Variants in CCDC63 observed in about 807,000 individuals in gnomAD.
CCDC63 encodes the protein coiled-coil domain containing 63, also known as coiled-coil domain-containing protein 63.
A neutral mutation model predicts 63.6 loss-of-function variants in CCDC63; 54 were observed. That is an observed-to-expected ratio of 0.85 (90% CI 0.68 to 1.07). CCDC63 has a LOEUF of 1.07. Ranked by LOEUF, CCDC63 falls within the 50% of genes least tolerant of loss-of-function variation. The pLI, the probability that CCDC63 is intolerant of heterozygous loss-of-function variation, is 0.00. For missense variants in CCDC63, 637 were observed against 689.6 expected (o/e 0.92, Z 0.86); for synonymous variants, 253 against 266.1 (o/e 0.95, Z 0.48).
intron 6 of CCDC63, 80 bp from the exon 7 acceptor site, chr12:110,881,034 GA>G: frequency 7.8e-7 from 1 of 1,283,740 alleles, no homozygotes. Context: ...CTCTAGGCAG[GA>G]AGGCCTTCTG....
chr12:110,899,060 C>G lies in CCDC63; in HGVS notation c.1277C>G (p.Thr426Ser), dbSNP rs1193166602. 2 of 1,613,762 alleles carry G rather than the reference C, an allele frequency of 1.2e-6. No individual in the cohort carries two copies. The highest frequency in any genetic ancestry group is 1.7e-6 in the Non-Finnish European group (2 of 1,179,910). ...TTCAAGAAGATAAACTGTGACGCCA[C>G]CAAGATCCTGGTGCAGTTAGGGGAG... ...KLFKKINCDA[T>S]KILVQLGETG... The change falls in exon 10 of 12, where the codon ACC becomes AGC. Residue 426 changes from threonine to serine, a missense_variant. Transcript: ENST00000308208.
At chr12:110,862,485 T>C (rs1317208791) in intron 4 of CCDC63, among the ~76,000 whole-genome samples, 1 of 152,196 alleles carries the variant, frequency 6.6e-6, no homozygotes, top group East Asian at 1.9e-4. Context: ...GGAGAATGTC[T>C]CCCATTGTGC....
chr12:110,893,017 G>C, intron 8 of CCDC63, 59 bp from the exon 9 acceptor site: 1 of 1,327,634 alleles, frequency 7.5e-7, no homozygotes, highest in Non-Finnish European at 1.1e-6. Context: ...ACTTATTTTT[G>C]GGAGCAGTGG....
chr12:110,871,554 T>C (rs1388183960), intron 4 of CCDC63, among the ~76,000 whole-genome samples: 18 of 147,736 alleles, frequency 1.2e-4, no homozygotes, highest in Admixed American at 9.5e-4. Context: ...CTCCCTCCCT[T>C]CCTTCCTTCC....
intron 5 of CCDC63, among the ~76,000 whole-genome samples, chr12:110,878,091 A>G (rs1025885453): frequency 1.3e-5 from 2 of 152,112 alleles, no homozygotes; most frequent in African/African-American, 2.4e-5. Flanking sequence ...CACTTAGCGT[A>G]ATGTCCTCCA....
At chr12:110,861,535 C>T (rs2070853224) in intron 4 of CCDC63, among the ~76,000 whole-genome samples, 1 of 152,118 alleles carries the variant, frequency 6.6e-6, no homozygotes, top group Admixed American at 6.6e-5. Flanking sequence ...GTCCTCTTTG[C>T]TTGGAGACCT....
intron 4 of CCDC63, among the ~76,000 whole-genome samples, chr12:110,866,913 C>G (rs2070958832): frequency 1.4e-5 from 2 of 148,104 alleles, no homozygotes; most frequent in African/African-American, 5.0e-5. Flanking sequence ...AGGCGCCCCT[C>G]ACCTCCGGGA....
At chr12:110,848,839 G>A (rs1179957885) in intron 1 of CCDC63, among the ~76,000 whole-genome samples, 1 of 152,160 alleles carries the variant, frequency 6.6e-6, no homozygotes, top group Non-Finnish European at 1.5e-5. Flanking sequence ...AATCCACTTA[G>A]GACCCAAAGG....
intron 1 of CCDC63, 37 bp downstream of exon 1, chr12:110,847,142 C>T (rs1055473256): frequency 2.0e-5 from 3 of 152,332 alleles, no homozygotes; most frequent in African/African-American, 7.2e-5. Flanking sequence ...GCCTGCTGCG[C>T]CACAGCTCCC....
chr12:110,877,943 G>C (rs1248046600), intron 5 of CCDC63, among the ~76,000 whole-genome samples: 2 of 151,772 alleles, frequency 1.3e-5, no homozygotes, highest in African/African-American at 4.8e-5. Flanking sequence ...CTGATCTCAG[G>C]TGATCCACCC....
chr12:110,861,114 C>T (rs766938649), intron 4 of CCDC63, among the ~76,000 whole-genome samples: 59 of 152,028 alleles, frequency 3.9e-4, no homozygotes, highest in Non-Finnish European at 6.3e-4. Context: ...ATTTCACTAT[C>T]GCCAAGACAA....
At chr12:110,849,794 C>G (rs375620912) in intron 1 of CCDC63, among the ~76,000 whole-genome samples, 1 of 152,134 alleles carries the variant, frequency 6.6e-6, no homozygotes, top group Non-Finnish European at 1.5e-5. Flanking sequence ...CCACTGCGCC[C>G]GGCCCAAGTT....
At chr12:110,888,767 A>G (rs1044822215) in intron 8 of CCDC63, among the ~76,000 whole-genome samples, 2 of 150,816 alleles carry the variant, frequency 1.3e-5, no homozygotes, top group Admixed American at 6.6e-5. Flanking sequence ...CCAACTTCCA[A>G]CTTTTTTTTT....
At chr12:110,881,651 G>C (rs1046323797) in intron 7 of CCDC63, among the ~76,000 whole-genome samples, 28 of 152,106 alleles carry the variant, frequency 1.8e-4, no homozygotes, top group African/African-American at 6.5e-4. Context: ...GAACCCAGGA[G>C]GCAGAGGTTG....
chr12:110,885,722 T>C (rs1198620416), intron 8 of CCDC63, among the ~76,000 whole-genome samples: 1 of 152,224 alleles, frequency 6.6e-6, no homozygotes, highest in East Asian at 1.9e-4. Flanking sequence ...GTCCTTCTTC[T>C]GCAGGCCCTG....
At chr12:110,876,042 T>C (rs1239270718) in intron 5 of CCDC63, among the ~76,000 whole-genome samples, 1 of 150,298 alleles carries the variant, frequency 6.7e-6, no homozygotes, top group Non-Finnish European at 1.5e-5. Flanking sequence ...GGAGGCGGAG[T>C]TTGCAGTGAG....
intron 11 of CCDC63, among the ~76,000 whole-genome samples, chr12:110,906,440 T>A (rs1376089559): frequency 2.0e-5 from 3 of 151,768 alleles, no homozygotes; most frequent in East Asian, 3.9e-4. Context: ...CAGTGGATAA[T>A]TCTGGATGGT....
At chr12:110,893,016 T>C in intron 8 of CCDC63, 60 bp from the exon 9 acceptor site, 1 of 1,329,106 alleles carries the variant, frequency 7.5e-7, no homozygotes, top group Non-Finnish European at 1.1e-6. Flanking sequence ...CACTTATTTT[T>C]GGGAGCAGTG....
chr12:110,904,040 T>C (rs570322141), intron 10 of CCDC63, among the ~76,000 whole-genome samples: 1 of 152,260 alleles, frequency 6.6e-6, no homozygotes, highest in Non-Finnish European at 1.5e-5. Flanking sequence ...TTATGTCCTG[T>C]GCGTATCTGT....
Sources: gnomAD v4.1 joint callset for allele counts (sites outside exome capture counted in the v4.1 genomes callset) on GRCh38, gnomAD v4.1.1 for gene constraint, MANE v1.5 for transcripts, NCBI Gene and HGNC (gene_info 2026-07-23, HGNC 2026-07-21) for gene names.